The following NME8 variants were observed in gnomAD, a reference collection of about 807,000 sequenced individuals.
NME8 encodes protein NME8.
Under a neutral mutation model 82.3 loss-of-function variants are expected in NME8, and 72 were observed. The ratio of observed to expected loss-of-function variants is 0.87; its 90% CI spans 0.72 to 1.06. The LOEUF (loss-of-function observed/expected upper bound fraction) is 1.06, where lower values mean the gene tolerates loss of function less well. Among genes scored for constraint, NME8 ranks in the 50% least tolerant of loss-of-function variants. NME8 has a pLI of 0.00. For missense variants in NME8, 712 were observed against 685.4 expected, an observed-to-expected ratio of 1.04 and a Z score of -0.43; for synonymous variants, 267 against 228.5, an observed-to-expected ratio of 1.17 and a Z score of -1.52.
chr7:37,890,391 A>G (rs904191384), intron 15 of NME8, among the ~76,000 whole-genome samples: 2 of 152,032 alleles, frequency 1.3e-5, no homozygotes, highest in Non-Finnish European at 2.9e-5. Flanking sequence ...TAATAATCAA[A>G]TCAGGGTATA....
chr7:37,885,051 G>T, intron 13 of NME8, 94 bp from the exon 14 acceptor site: 1 of 768,314 alleles, frequency 1.3e-6, no homozygotes, highest in South Asian at 1.5e-5. Flanking sequence ...ACATGTTTTT[G>T]ATCTATTTAA....
chr7:37,862,213 C>T (rs1169403023), intron 7 of NME8, 69 bp downstream of exon 7: 3 of 995,580 alleles, frequency 3.0e-6, no homozygotes, highest in Non-Finnish European at 4.8e-6. Context: ...ACAAAATGCA[C>T]TACTGGTGCT....
chr7:37,868,391 G>A (rs539340718), intron 11 of NME8, among the ~76,000 whole-genome samples: 1 of 151,768 alleles, frequency 6.6e-6, no homozygotes, highest in South Asian at 2.1e-4. Context: ...GAACATGCAT[G>A]CATTCCGGAG....
In NME8 at chr7:37,865,584, AG is replaced by A. The variant is rs2131950365; in HGVS notation, c.589del (p.Val197LeufsTer8). 5.0e-6 allele frequency: 8 copies of A among 1,613,314 alleles called. No individual in the cohort carries two copies. Among genetic ancestry groups the A allele is most frequent in the Admixed American group, 1.7e-5 (1 of 60,008 alleles). ...EHKTVLTEEQ[V>X]VNFYSRIADQ... Reference sequence around the variant, plus strand: ...ATAAGACAGTGCTCACTGAAGAACAAGTTGTCAACTTCTATAGTCGAATAGC... The same window carrying A: ...ATAAGACAGTGCTCACTGAAGAACAATTGTCAACTTCTATAGTCGAATAGC... On this transcript the variant is annotated frameshift_variant, in exon 10 of 18. Transcript: ENST00000199447. LOFTEE classifies it high-confidence loss of function.
In NME8 at chr7:37,897,131, T is replaced by TTAGTTTAAAACATCTTA. The variant is rs1785242371; in HGVS notation, c.*15+25_*15+26insAGTTTAAAACATCTTAT. The TTAGTTTAAAACATCTTA allele has an allele frequency of 9.3e-6, 13 of 1,391,116 alleles. No individual in the cohort carries two copies. The African/African-American group carries it at 1.7e-4, about 18-fold the overall frequency. 86.2% of individuals were successfully genotyped at this position (1,391,116 alleles called of 1,614,324 possible). On this transcript the variant is annotated intron_variant, in intron 17 of 17. Transcript: ENST00000199447. ...AAGTACGTACCTGTTTAATTATTAT[T>TTAGTTTAAAACATCTTA]TTATTTTATTTGCTTGTTGCAGTGA... is the stretch of plus-strand genomic sequence containing the variant.
chr7:37,875,401 G>GACACAC (rs144351597), intron 11 of NME8, among the ~76,000 whole-genome samples: 1 of 149,590 alleles, frequency 6.7e-6, no homozygotes, highest in Non-Finnish European at 1.5e-5. Context: ...GATCTGCCAA[G>GACACAC]ACACACACAC....
intron 12 of NME8, among the ~76,000 whole-genome samples, chr7:37,884,094 A>T (rs1381730790): frequency 6.6e-6 from 1 of 152,170 alleles, no homozygotes; most frequent in Non-Finnish European, 1.5e-5. Context: ...TGATTCCTAT[A>T]CGATGAAAAA....
rs547826686 is a variant in NME8, at chr7:37,857,339, T to C, written c.264T>C (p.Phe88=). 7.5e-5 allele frequency: 121 copies of C among 1,603,032 alleles called. No homozygotes were observed. The highest frequency in any genetic ancestry group is 1.7e-4 in the Middle Eastern group (1 of 6,048). Residue 88 remains phenylalanine (F), a synonymous_variant, in exon 6 of 18, where the codon TTT becomes TTC. Coordinates refer to ENST00000199447, the MANE Select transcript of NME8 (RefSeq NM_016616.5). ...FRDKCEPVFL[F]SVNGKIIEKI... ...ATAAATGTGAACCTGTTTTTCTCTT[T>C]AGTGTTGTAAGTATATTTACTTTCT...
intron 4 of NME8, 68 bp downstream of exon 4, chr7:37,850,503 C>G: frequency 6.3e-7 from 1 of 1,576,668 alleles, no homozygotes; most frequent in African/African-American, 1.3e-5. Flanking sequence ...CACCCTGTCC[C>G]TCTAGAGTCC....
chr7:37,850,936 C>T (rs545103083), intron 5 of NME8, among the ~76,000 whole-genome samples: 2 of 152,054 alleles, frequency 1.3e-5, no homozygotes, highest in Non-Finnish European at 2.9e-5. Context: ...CTTATAACGT[C>T]GAGGCTATTT....
rs1196948520 is a variant in NME8 at position 37,870,578 on chromosome 7, G to A, written c.818+2680G>A. On this transcript the variant is annotated intron_variant, in intron 11 of 17. Transcript: ENST00000199447. ...CACTCCAGCCTGGGTGACAGAGTGA[G>A]ACTCCATCTCAAAAAAAAAAAAAAA... Among the ~76,000 whole-genome samples, 4 of 122,738 alleles carry A rather than the reference G, an allele frequency of 3.3e-5. 1 individual carries two copies. Among genetic ancestry groups the A allele is most frequent in the South Asian group, 5.7e-4 (2 of 3,508 alleles). 80.5% of individuals were successfully genotyped at this position (122,738 alleles called of 152,430 possible).
chr7:37,855,467 C>A (rs1337694214), intron 5 of NME8, among the ~76,000 whole-genome samples: 16 of 152,058 alleles, frequency 1.1e-4, no homozygotes, highest in Admixed American at 1.0e-3. Flanking sequence ...TCTTGGTGCT[C>A]ACTTCTCTTC....
intron 14 of NME8, among the ~76,000 whole-genome samples, chr7:37,885,623 G>A (rs902690210): frequency 1.3e-5 from 2 of 152,224 alleles, no homozygotes; most frequent in East Asian, 3.9e-4. Context: ...TTAAGACAAT[G>A]ATGACTAATT....
Position 37,862,212 on chromosome 7 carries a change from A to T in NME8, c.387+68A>T. 3.9e-6 allele frequency: 4 copies of T among 1,019,482 alleles called. No homozygotes were observed. In the Admixed American group the frequency reaches 6.8e-5, roughly 17 times the overall value. The allele number at this position is 1,019,482 out of a possible 1,614,324, so 63.2% of individuals were successfully genotyped here. ...TTTAGAGTGAAATAGAACAAAATGC[A>T]CTACTGGTGCTAGGTACCTCTAAAG... On this transcript the variant is annotated intron_variant, in intron 7 of 17. Coordinates refer to ENST00000199447, the MANE Select transcript of NME8 (RefSeq NM_016616.5).
chr7:37,863,949 A>T (rs566546935), intron 8 of NME8, among the ~76,000 whole-genome samples: 1 of 152,224 alleles, frequency 6.6e-6, no homozygotes, highest in Non-Finnish European at 1.5e-5. Context: ...TCATTATAAG[A>T]ATGTCGATAC....
chr7:37,870,485 A>C (rs555986135), intron 11 of NME8, among the ~76,000 whole-genome samples: 2 of 150,880 alleles, frequency 1.3e-5, no homozygotes, highest in South Asian at 4.2e-4. Context: ...GCTACTTGGG[A>C]GACTGAGACA....
intron 5 of NME8, among the ~76,000 whole-genome samples, chr7:37,856,407 G>A (rs55940848): frequency 0.52 from 79,421 of 151,944 alleles, 22,189 homozygotes; most frequent in Non-Finnish European, 0.65. Flanking sequence ...CACCCAGACT[G>A]TGCTGGCACC....
At chr7:37,866,061 C>A (rs12531164) in intron 10 of NME8, among the ~76,000 whole-genome samples, 11,561 of 152,040 alleles carry the variant, frequency 0.076, 609 homozygotes, top group Admixed American at 0.17. Flanking sequence ...CTCCCTACCC[C>A]ACCAACTCTT....
intron 6 of NME8, among the ~76,000 whole-genome samples, chr7:37,859,298 A>G (rs1270273952): frequency 6.6e-6 from 1 of 152,076 alleles, no homozygotes; most frequent in Non-Finnish European, 1.5e-5. Flanking sequence ...CCTCATAGCC[A>G]TGTTTCATCC....
Sources: allele counts gnomAD v4.1 joint callset (sites outside exome capture counted in the v4.1 genomes callset), GRCh38; gene constraint gnomAD v4.1.1; transcripts MANE v1.5; gene names NCBI Gene and HGNC (gene_info 2026-07-23, HGNC 2026-07-21).